ZSCAN5A: variants seen among roughly 807,000 people sequenced by gnomAD.
ZSCAN5A encodes the protein zinc finger and SCAN domain containing 5A.
A neutral mutation model predicts 23.7 loss-of-function variants in ZSCAN5A; 12 were observed. The observed-to-expected ratio is 0.51, with a 90% CI of 0.32 to 0.82. ZSCAN5A has a LOEUF of 0.82. Ranked by LOEUF, ZSCAN5A falls within the 40% of genes least tolerant of loss-of-function variation. ZSCAN5A has a pLI of 0.03. For synonymous variants in ZSCAN5A, 257 were observed against 239.9 expected (o/e 1.07, Z -0.66); for missense variants, 597 against 617.9 (o/e 0.97, Z 0.36).
chr19:56,355,578 C>T (rs2041696171), intron 2 of ZSCAN5A, among the ~76,000 whole-genome samples: 1 of 148,680 alleles, frequency 6.7e-6, no homozygotes, highest in Non-Finnish European at 1.5e-5. Context: ...TAGCCCAAGA[C>T]CAAGCTCTGT....
rs2041377085 is a variant in ZSCAN5A, at chr19:56,321,637, A to G, written c.-357-5369T>C. ...GCACAATGGCAAGGTTCATCCATGC[A>G]TCGTTATGTCGTCCATCATAGTAGA... On this transcript the variant is annotated intron_variant, in intron 2 of 6. Coordinates refer to the ZSCAN5A transcript ENST00000587340. The G allele has an allele frequency of 5.5e-6, 5 of 901,094 alleles. No homozygotes were observed. In the African/African-American group the frequency reaches 6.5e-5, roughly 12 times the overall value. The allele number at this position is 901,094 out of a possible 1,614,324, so 55.8% of individuals were successfully genotyped here.
intron 2 of ZSCAN5A, among the ~76,000 whole-genome samples, chr19:56,334,706 A>T (rs1304279879): frequency 1.3e-5 from 2 of 152,208 alleles, no homozygotes; most frequent in Non-Finnish European, 2.9e-5. Flanking sequence ...ATCTGAGATG[A>T]CTAGGGACTG....
upstream of ZSCAN5A, among the ~76,000 whole-genome samples, chr19:56,319,063 C>CA (rs2041346745): frequency 6.6e-6 from 1 of 152,192 alleles, no homozygotes; most frequent in Admixed American, 6.5e-5. Flanking sequence ...ACCCCAACCC[C>CA]AACAGAATCA....
chr19:56,233,615 T>C (rs574826451), intron 2 of ZSCAN5A, among the ~76,000 whole-genome samples: 20 of 149,472 alleles, frequency 1.3e-4, no homozygotes, highest in Non-Finnish European at 2.2e-4. Flanking sequence ...AAATCACCTT[T>C]TTTTTTTTTT....
At chr19:56,295,421 T>C (rs1456749651) in intron 2 of ZSCAN5A, among the ~76,000 whole-genome samples, 1 of 151,782 alleles carries the variant, frequency 6.6e-6, no homozygotes, top group Non-Finnish European at 1.5e-5. Context: ...TGGTGAAACC[T>C]CCGTTTCTAC....
chr19:56,279,941 A>T (rs930015625), intron 2 of ZSCAN5A, among the ~76,000 whole-genome samples: 1 of 152,194 alleles, frequency 6.6e-6, no homozygotes. Context: ...TAATTATTCA[A>T]TTTAAAACAT....
At chr19:56,254,652 T>G (rs200749144) in intron 2 of ZSCAN5A, among the ~76,000 whole-genome samples, 2,880 of 151,686 alleles carry the variant, frequency 0.019, 79 homozygotes, top group African/African-American at 0.065. Context: ...GTTTAATTTT[T>G]GGGGGGGGCT....
intron 2 of ZSCAN5A, among the ~76,000 whole-genome samples, chr19:56,245,034 A>G (rs1249611252): frequency 1.3e-5 from 2 of 152,210 alleles, no homozygotes; most frequent in East Asian, 3.9e-4. Flanking sequence ...TAAAGGACTC[A>G]TATTTATGTA....
At chr19:56,324,929 C>T (rs2041418963) in intron 2 of ZSCAN5A, among the ~76,000 whole-genome samples, 1 of 152,146 alleles carries the variant, frequency 6.6e-6, no homozygotes, top group African/African-American at 2.4e-5. Flanking sequence ...TTTTTGTGTT[C>T]CTTGAGCCCA....
At chr19:56,254,012 C>CA (rs1252809228) in intron 2 of ZSCAN5A, among the ~76,000 whole-genome samples, 3 of 150,756 alleles carry the variant, frequency 2.0e-5, no homozygotes, top group Non-Finnish European at 3.0e-5. Flanking sequence ...ACCAAAGCGT[C>CA]AAACAACAGA....
intron 2 of ZSCAN5A, among the ~76,000 whole-genome samples, chr19:56,281,434 G>C (rs1033483677): frequency 2.0e-5 from 3 of 152,190 alleles, no homozygotes; most frequent in Admixed American, 2.0e-4. Context: ...CAAAGTTAAA[G>C]AAGGGTTTCT....
chr19:56,321,674 A>T (rs1359397469), intron 2 of ZSCAN5A: 18 of 1,313,286 alleles, frequency 1.4e-5, no homozygotes, highest in Non-Finnish European at 1.9e-5. Context: ...AATTCCTCCT[A>T]CCAGTTTGTC....
intron 2 of ZSCAN5A, among the ~76,000 whole-genome samples, chr19:56,328,725 GGCGCGGTGGCTCAT>G (rs1464541411): frequency 1.3e-5 from 2 of 151,578 alleles, no homozygotes; most frequent in African/African-American, 4.8e-5. Flanking sequence ...AATATGGCCA[GGCGCGGTGGCTCAT>G]GCCTGTAATC....
At chr19:56,284,110 C>T (rs909567450) in intron 2 of ZSCAN5A, 20 of 972,086 alleles carry the variant, frequency 2.1e-5, no homozygotes, top group Admixed American at 6.2e-5. Flanking sequence ...ATTATGGCTT[C>T]GTCTTTGTGA....
At chr19:56,279,133 T>C (rs1210874093) in intron 2 of ZSCAN5A, among the ~76,000 whole-genome samples, 1 of 152,208 alleles carries the variant, frequency 6.6e-6, no homozygotes, top group African/African-American at 2.4e-5. Flanking sequence ...CTTACTGCTA[T>C]ATGGGTGCCT....
rs1419412230 is a variant in ZSCAN5A, at chr19:56,351,534, C to T, written c.-358+11701G>A. Among the ~76,000 whole-genome samples the T allele has an allele frequency of 5.9e-5, 9 of 152,156 alleles. No individual in the cohort carries two copies. Among genetic ancestry groups the T allele is most frequent in the Admixed American group, 6.5e-5 (1 of 15,276 alleles). On this transcript the variant is annotated intron_variant, in intron 2 of 6. Coordinates refer to the ZSCAN5A transcript ENST00000587340. This position sits in a 1 kb window ranked among gnomAD's most constrained non-coding sequence, Gnocchi z 4.8. ...GATATAAGGGACTGTCTTTCTGTTG[C>T]GCACAGGGTCTATCTCTGTTCCTTT...
At chr19:56,310,478 C>G (rs534521310) in intron 2 of ZSCAN5A, 1 of 152,232 alleles carries the variant, frequency 6.6e-6, no homozygotes. Flanking sequence ...TTATTCCATT[C>G]GCCCAACACT....
intron 2 of ZSCAN5A, among the ~76,000 whole-genome samples, chr19:56,257,115 G>C (rs1013717898): frequency 6.6e-6 from 1 of 152,192 alleles, no homozygotes; most frequent in South Asian, 2.1e-4. Context: ...CCCCTCAAAA[G>C]ACAGAGTGTG....
intron 2 of ZSCAN5A, among the ~76,000 whole-genome samples, chr19:56,300,596 T>A (rs542074397): frequency 6.6e-6 from 1 of 152,346 alleles, no homozygotes; most frequent in African/African-American, 2.4e-5. Flanking sequence ...TTGAAAAAGA[T>A]TAGTGTAAAC....
Sources: allele counts gnomAD v4.1 joint callset (sites outside exome capture counted in the v4.1 genomes callset), GRCh38; gene constraint gnomAD v4.1.1; non-coding constraint Gnocchi (gnomAD v3.1); transcripts MANE v1.5; gene names NCBI Gene and HGNC (gene_info 2026-07-23, HGNC 2026-07-21).